Variants in ME1 observed in about 807,000 individuals in gnomAD.
The protein encoded by ME1 is malic enzyme 1.
Under a neutral mutation model 66.4 loss-of-function variants are expected in ME1, and 74 were observed. That is an observed-to-expected ratio of 1.11 (90% confidence interval 0.92 to 1.35). ME1 has a LOEUF of 1.35. ME1 is among the 40% of genes most tolerant of loss of function. The pLI, the probability that ME1 is intolerant of heterozygous loss-of-function variation, is 0.00. For synonymous variants in ME1, 251 were observed against 235.6 expected, an observed-to-expected ratio of 1.07 and a Z score of -0.60; for missense variants, 750 against 694.1, an observed-to-expected ratio of 1.08 and a Z score of -0.90.
chr6:83,299,603 G>A (rs1387326085), intron 6 of ME1, among the ~76,000 whole-genome samples: 1 of 151,828 alleles, frequency 6.6e-6, no homozygotes, highest in Non-Finnish European at 1.5e-5. Context: ...TTTTTCTCTT[G>A]CCTGATTGCC....
At chr6:83,360,328 A>G (rs991027810) in intron 3 of ME1, among the ~76,000 whole-genome samples, 1 of 152,156 alleles carries the variant, frequency 6.6e-6, no homozygotes, top group African/African-American at 2.4e-5. Flanking sequence ...CATTTTGGGG[A>G]CTACTGGACA....
Position 83,223,810 on chromosome 6 carries a change from C to T in ME1, c.1399G>A (p.Ala467Thr). 1 of 1,613,876 alleles carries T rather than the reference C, an allele frequency of 6.2e-7. No homozygotes were observed. The highest frequency in any genetic ancestry group is 8.5e-7 in the Non-Finnish European group (1 of 1,179,848). The change falls in exon 12 of 14, where the codon GCG becomes ACG. Residue 467 changes from alanine to threonine, a missense_variant. Coordinates refer to ENST00000369705, the MANE Select transcript of ME1 (RefSeq NM_002395.6). ...VFPGVALGVVACGLRQITDNI... is the reference protein window; with the variant it reads ...VFPGVALGVVTCGLRQITDNI... ...TCTGTGATCTGCCTCAATCCACACG[C>T]CACAACACCAAGAGCAACTCCAGGG...
intron 6 of ME1, among the ~76,000 whole-genome samples, chr6:83,284,795 A>G (rs1305391913): frequency 6.6e-6 from 1 of 152,184 alleles, no homozygotes; most frequent in Non-Finnish European, 1.5e-5. Flanking sequence ...GGAACAAGAC[A>G]ATGATGCTCA....
intron 12 of ME1, among the ~76,000 whole-genome samples, chr6:83,218,518 C>T (rs2128522744): frequency 6.6e-6 from 1 of 152,220 alleles, no homozygotes; most frequent in East Asian, 1.9e-4. Context: ...ACATTCCCAT[C>T]AGTGGATCTG....
At chr6:83,401,589 A>G (rs1769842593) in intron 2 of ME1, among the ~76,000 whole-genome samples, 1 of 152,208 alleles carries the variant, frequency 6.6e-6, no homozygotes, top group African/African-American at 2.4e-5. Context: ...GAAGGTTGCG[A>G]AGGAGTTTAA....
chr6:83,425,959 G>A (rs1164229872), intron 1 of ME1, among the ~76,000 whole-genome samples: 1 of 152,112 alleles, frequency 6.6e-6, no homozygotes, highest in Non-Finnish European at 1.5e-5. Context: ...ATTTTTATGA[G>A]GTGACTAGTA....
At chr6:83,272,516 G>C (rs1767101859) in intron 6 of ME1, among the ~76,000 whole-genome samples, 1 of 152,074 alleles carries the variant, frequency 6.6e-6, no homozygotes, top group South Asian at 2.1e-4. Context: ...TTGAAACAAA[G>C]GATATCCAGG....
rs568329512 is a variant in ME1, at chr6:83,239,490, T to C, written c.912+49A>G. 3.4e-5 allele frequency: 43 copies of C among 1,275,772 alleles called. No individual in the cohort carries two copies. The East Asian group carries it at 8.8e-4, about 26-fold the overall frequency. 79.0% of individuals were successfully genotyped at this position (1,275,772 alleles called of 1,614,324 possible). A position where few individuals can be genotyped will look rare whatever the true frequency, so the allele number is the denominator to read the frequency against. On this transcript the variant is annotated intron_variant, in intron 8 of 13. Coordinates refer to ENST00000369705, the MANE Select transcript of ME1 (RefSeq NM_002395.6). The stretch of plus-strand genomic sequence containing the variant: ...TCTTGAGTTAATGAGCAATTAACAC[T>C]AATTATATGTTAGTTTAGGAGAACA...
intron 6 of ME1, among the ~76,000 whole-genome samples, chr6:83,276,771 CA>C (rs932700008): frequency 1.9e-4 from 29 of 151,822 alleles, no homozygotes; most frequent in African/African-American, 7.0e-4. Flanking sequence ...AATGTCTTGA[CA>C]AAAAAAATTT....
At chr6:83,321,063 C>T (rs1174143853) in intron 5 of ME1, among the ~76,000 whole-genome samples, 1 of 152,138 alleles carries the variant, frequency 6.6e-6, no homozygotes, top group Non-Finnish European at 1.5e-5. Flanking sequence ...TAGGGAACTC[C>T]CTCCCCTAGC....
intron 6 of ME1, among the ~76,000 whole-genome samples, chr6:83,302,849 C>T (rs3798893): frequency 0.056 from 8,489 of 152,066 alleles, 434 homozygotes; most frequent in African/African-American, 0.13. Context: ...AGGTGAAGTG[C>T]ATGGGCCAGA....
rs150122706 is a variant in ME1 at position 83,327,657 on chromosome 6, T to G, written c.601-12244A>C. The stretch of plus-strand genomic sequence containing the variant: ...GGTGCCCGAAACTTCATTAGCAATT[T>G]TAATTTCGCCTCGGTCCTGTGGTCC... On this transcript the variant is annotated intron_variant, in intron 5 of 13. Transcript: ENST00000369705. 1.4e-4 allele frequency among the ~76,000 whole-genome samples: 22 copies of G among 152,326 alleles called. No homozygotes were observed. In the East Asian group the frequency reaches 4.2e-3, roughly 29 times the overall value.
At chr6:83,358,798 A>C (rs1768949558) in intron 3 of ME1, among the ~76,000 whole-genome samples, 1 of 151,990 alleles carries the variant, frequency 6.6e-6, no homozygotes, top group African/African-American at 2.4e-5. Context: ...TTGTCTGAGG[A>C]GATAAACCCT....
intron 6 of ME1, among the ~76,000 whole-genome samples, chr6:83,264,337 C>T (rs142132042): frequency 5.8e-4 from 89 of 152,254 alleles, no homozygotes; most frequent in African/African-American, 2.1e-3. Context: ...TCTGATGGAG[C>T]TGTACTAGAA....
chr6:83,421,376 T>TA lies in ME1; in HGVS notation c.78+9500dup, dbSNP rs1232845276. ...GACTGAGTTTCACACATTCATACCT[T>TA]AAAAATAACAACCTGAGGGTCTGGT... On this transcript the variant is annotated intron_variant, in intron 1 of 13. Transcript: ENST00000369705. Among the ~76,000 whole-genome samples, 4 of 152,300 alleles carry TA rather than the reference T, an allele frequency of 2.6e-5. 1 individual carries two copies. The South Asian group carries it at 6.2e-4, about 24-fold the overall frequency.
chr6:83,297,271 T>C lies in ME1; in HGVS notation c.704+18039A>G, dbSNP rs1291044847. On this transcript the variant is annotated intron_variant, in intron 6 of 13. Transcript: ENST00000369705. The stretch of plus-strand genomic sequence containing the variant: ...TAACCAGAGAGTTGAAAGACCTCTA[T>C]ACTGACAACTACAAAACACTGCGGA... Among the ~76,000 whole-genome samples the C allele has an allele frequency of 2.6e-5, 4 of 152,196 alleles. 1 individual carries two copies. Among genetic ancestry groups the C allele is most frequent in the Admixed American group, 2.6e-4 (4 of 15,286 alleles).
chr6:83,333,300 C>T (rs1281411313), intron 5 of ME1, among the ~76,000 whole-genome samples: 1 of 152,112 alleles, frequency 6.6e-6, no homozygotes, highest in Non-Finnish European at 1.5e-5. Context: ...ATTAGTACTA[C>T]AGGAACATTT....
intron 12 of ME1, 112 bp downstream of exon 12, chr6:83,223,648 T>C (rs1466404410): frequency 1.9e-6 from 2 of 1,033,424 alleles, no homozygotes; most frequent in Non-Finnish European, 2.8e-6. Context: ...CTTCAGACTT[T>C]ACTTCTTTCA....
At chr6:83,314,926 CCAG>C (rs1768000764) in intron 6 of ME1, among the ~76,000 whole-genome samples, 1 of 152,058 alleles carries the variant, frequency 6.6e-6, no homozygotes. Context: ...GAGTCAAATA[CCAG>C]CTACAAAGAT....
Sources: gnomAD v4.1 joint callset for allele counts (sites outside exome capture counted in the v4.1 genomes callset) on GRCh38, gnomAD v4.1.1 for gene constraint, MANE v1.5 for transcripts, NCBI Gene and HGNC (gene_info 2026-07-23, HGNC 2026-07-21) for gene names.